SHC4: variants seen among roughly 807,000 people sequenced by gnomAD.
SHC4 encodes SHC-transforming protein 4.
Under a neutral mutation model 69.4 loss-of-function variants are expected in SHC4, and 41 were observed. That is an observed-to-expected ratio of 0.59 (90% CI 0.46 to 0.77). The LOEUF (loss-of-function observed/expected upper bound fraction) is 0.77, where lower values mean the gene tolerates loss of function less well. Among genes scored for constraint, SHC4 ranks in the 30% least tolerant of loss-of-function variants. The pLI, the probability that SHC4 is intolerant of heterozygous loss-of-function variation, is 0.00. For missense variants in SHC4, 777 were observed against 783.8 expected (o/e 0.99, Z 0.10); for synonymous variants, 318 against 299.3 (o/e 1.06, Z -0.64).
chr15:48,950,581 T>C (rs972313084), intron 1 of SHC4, among the ~76,000 whole-genome samples: 3 of 152,122 alleles, frequency 2.0e-5, no homozygotes, highest in African/African-American at 7.2e-5. Flanking sequence ...TTTAAAATGG[T>C]GCATACTAGA....
At chr15:48,833,866 T>C (rs770749812) in intron 11 of SHC4, among the ~76,000 whole-genome samples, 8 of 152,256 alleles carry the variant, frequency 5.3e-5, no homozygotes, top group Non-Finnish European at 1.2e-4. Flanking sequence ...TTGACATGAC[T>C]GTTTTCAGCT....
At chr15:48,864,389 C>A (rs1220319306) in intron 6 of SHC4, among the ~76,000 whole-genome samples, 4 of 142,072 alleles carry the variant, frequency 2.8e-5, no homozygotes, top group African/African-American at 1.0e-4. Context: ...AAATTGAATT[C>A]TATCATTCCA....
chr15:48,946,450 A>G, intron 1 of SHC4: 2 of 470,536 alleles, frequency 4.3e-6, no homozygotes, highest in Non-Finnish European at 5.6e-6. Flanking sequence ...GTCCTTCCTC[A>G]TCCTTCCTCT....
chr15:48,919,467 T>C (rs538965124), intron 2 of SHC4, among the ~76,000 whole-genome samples: 27 of 151,466 alleles, frequency 1.8e-4, no homozygotes, highest in African/African-American at 6.3e-4. Flanking sequence ...TGCTTTATTT[T>C]TGGTAGAGAT....
chr15:48,901,523 A>T (rs996442097), intron 2 of SHC4, among the ~76,000 whole-genome samples: 1 of 152,158 alleles, frequency 6.6e-6, no homozygotes, highest in Non-Finnish European at 1.5e-5. Flanking sequence ...GAAACAAATT[A>T]TTTTTTCCTT....
At chr15:48,952,420 A>G (rs1334949364) in intron 1 of SHC4, among the ~76,000 whole-genome samples, 1 of 152,174 alleles carries the variant, frequency 6.6e-6, no homozygotes, top group African/African-American at 2.4e-5. Flanking sequence ...TGAAGTTACT[A>G]GTAAGAGTAG....
intron 2 of SHC4, among the ~76,000 whole-genome samples, chr15:48,914,010 G>A (rs534400976): frequency 8.5e-5 from 13 of 152,252 alleles, no homozygotes; most frequent in East Asian, 1.9e-4. Flanking sequence ...GGGTCCTCTC[G>A]GGATTGCTGG....
Position 48,825,748 on chromosome 15 carries a change from C to G in SHC4, c.*223G>C. The G allele has an allele frequency of 2.0e-6, 1 of 506,828 alleles. No homozygotes were observed. The highest frequency in any genetic ancestry group is 3.4e-6 in the Non-Finnish European group (1 of 295,794). 31.4% of individuals were successfully genotyped at this position (506,828 alleles called of 1,614,324 possible). A position where few individuals can be genotyped will look rare whatever the true frequency, so the allele number is the denominator to read the frequency against. ...TGACATCCGTGCATACATATAATTT[C>G]TTTTAAAATGACCAACCCTCTTCCT... On this transcript the variant is annotated 3_prime_UTR_variant, in exon 12 of 12. Transcript: ENST00000332408.
chr15:48,889,661 A>G (rs1434870754), intron 3 of SHC4, among the ~76,000 whole-genome samples: 1 of 152,130 alleles, frequency 6.6e-6, no homozygotes, highest in African/African-American at 2.4e-5. Flanking sequence ...TGGCTAACAC[A>G]GTGAAACCCC....
At chr15:48,932,233 G>A (rs1287429912) in intron 1 of SHC4, among the ~76,000 whole-genome samples, 1 of 152,078 alleles carries the variant, frequency 6.6e-6, no homozygotes. Flanking sequence ...CCTTAAAGCA[G>A]AGCTTCCCAA....
intron 1 of SHC4, among the ~76,000 whole-genome samples, chr15:48,931,132 G>A (rs565188608): frequency 6.6e-5 from 10 of 152,008 alleles, no homozygotes; most frequent in East Asian, 3.9e-4. Flanking sequence ...CTGACTATTC[G>A]TTCTCAGTCT....
intron 3 of SHC4, 85 bp from the exon 4 acceptor site, chr15:48,884,452 G>T (rs1899998432): frequency 4.9e-6 from 6 of 1,222,872 alleles, no homozygotes; most frequent in South Asian, 3.8e-5. Context: ...TGTTAAAAAT[G>T]AGTCAAAGTC....
chr15:48,910,846 T>A (rs748742148), intron 2 of SHC4, among the ~76,000 whole-genome samples: 2 of 152,228 alleles, frequency 1.3e-5, no homozygotes, highest in Non-Finnish European at 2.9e-5. Context: ...AAGAGCAGGT[T>A]ATTTAATTTC....
At chr15:48,863,572 A>T (rs1899492130) in intron 6 of SHC4, among the ~76,000 whole-genome samples, 1 of 152,224 alleles carries the variant, frequency 6.6e-6, no homozygotes, top group Non-Finnish European at 1.5e-5. Flanking sequence ...AAATAAAACT[A>T]CTGGTTCAAA....
At chr15:48,953,786 G>C (rs1187724975) in intron 1 of SHC4, among the ~76,000 whole-genome samples, 2 of 152,186 alleles carry the variant, frequency 1.3e-5, no homozygotes, top group East Asian at 3.8e-4. Context: ...GGTAGAATCT[G>C]TCCTAATGTG....
At position 48,867,817 on chromosome 15, in the gene SHC4, C is replaced by T. The variant is rs145430523; in HGVS notation, c.946+1G>A. 1.9e-6 allele frequency: 3 copies of T among 1,613,284 alleles called. No homozygotes were observed. Among genetic ancestry groups the T allele is most frequent in the African/African-American group, 2.7e-5 (2 of 74,886 alleles). ...AAAAATCTGTAAGTTGCTTTCCATACCTCGTTGATTAACTGGATCTTTAGC... is the reference window on the plus strand; with the variant it reads ...AAAAATCTGTAAGTTGCTTTCCATATCTCGTTGATTAACTGGATCTTTAGC... On this transcript the variant is annotated splice_donor_variant, in intron 6 of 11. Transcript: ENST00000332408. LOFTEE classifies it high-confidence loss of function.
In SHC4 at chr15:48,963,724, C is replaced by T. The variant is rs529945579; in HGVS notation, c.-709G>A. Among the ~76,000 whole-genome samples the T allele has an allele frequency of 1.3e-5, 2 of 152,118 alleles. No individual in the cohort carries two copies. Among genetic ancestry groups the T allele is most frequent in the Admixed American group, 6.5e-5 (1 of 15,276 alleles). On this transcript the variant is annotated 5_prime_UTR_variant, in exon 1 of 12. Coordinates refer to ENST00000332408, the MANE Select transcript of SHC4 (RefSeq NM_203349.4). ...TGACTTGTGATGGGTCCGTGTTCCTCAGATCCCCTCCCAGCCTGCCTACCC... is the reference window on the plus strand; with the variant it reads ...TGACTTGTGATGGGTCCGTGTTCCTTAGATCCCCTCCCAGCCTGCCTACCC...
chr15:48,865,708 C>A (rs1441501099), intron 6 of SHC4, among the ~76,000 whole-genome samples: 1 of 152,122 alleles, frequency 6.6e-6, no homozygotes, highest in Non-Finnish European at 1.5e-5. Flanking sequence ...AAAACTGAAA[C>A]CTTGATTTGG....
At chr15:48,834,617 C>G (rs752582306) in intron 11 of SHC4, 152 bp downstream of exon 11, 1 of 1,125,186 alleles carries the variant, frequency 8.9e-7, no homozygotes, top group Non-Finnish European at 1.3e-6. Context: ...CTCCACTACC[C>G]TCTAGTTAGC....
Sources: gnomAD v4.1 joint callset for allele counts (sites outside exome capture counted in the v4.1 genomes callset) on GRCh38, gnomAD v4.1.1 for gene constraint, MANE v1.5 for transcripts, NCBI Gene and HGNC (gene_info 2026-07-23, HGNC 2026-07-21) for gene names.